Variants in GPC5 observed in about 807,000 individuals in gnomAD.
The protein encoded by GPC5 is glypican 5.
Under a neutral mutation model 53.9 loss-of-function variants are expected in GPC5, and 47 were observed. The ratio of observed to expected loss-of-function variants is 0.87; its 90% CI spans 0.69 to 1.11. The LOEUF (loss-of-function observed/expected upper bound fraction) is 1.11, where lower values mean the gene tolerates loss of function less well. Ranked by LOEUF, GPC5 falls within the 50% of genes most tolerant of loss-of-function variation. GPC5 has a pLI of 0.00. For missense variants in GPC5, 748 were observed against 713.1 expected (o/e 1.05, Z -0.56); for synonymous variants, 286 against 263.3 (o/e 1.09, Z -0.84).
intron 7 of GPC5, among the ~76,000 whole-genome samples, chr13:92,355,955 C>T (rs1420641017): frequency 3.4e-5 from 5 of 145,516 alleles, no homozygotes; most frequent in African/African-American, 1.3e-4. Flanking sequence ...CACATCGTCT[C>T]TTTATGATCA....
intron 7 of GPC5, among the ~76,000 whole-genome samples, chr13:92,712,285 G>A (rs550618083): frequency 7.9e-5 from 12 of 151,808 alleles, no homozygotes; most frequent in African/African-American, 1.9e-4. Flanking sequence ...AAAATTTGAC[G>A]ACATAGATGA....
At chr13:91,845,220 C>T (rs907700437) in intron 5 of GPC5, among the ~76,000 whole-genome samples, 1 of 151,968 alleles carries the variant, frequency 6.6e-6, no homozygotes, top group Non-Finnish European at 1.5e-5. Flanking sequence ...AAGTATAGTG[C>T]AACTTTTTAA....
rs10553721 is a variant in GPC5 at position 92,797,819 on chromosome 13, TGATAGATAGATAGATAGATA to T, written c.1562-68431_1562-68412del. ...AGATAGATAAAAGATATTCAAGGGA[TGATAGATAGATAGATAGATA>T]GATAGATAGATAGATAGATAGATAG... On this transcript the variant is annotated intron_variant, in intron 7 of 7. Transcript: ENST00000377067. 6.9e-3 allele frequency among the ~76,000 whole-genome samples: 993 copies of T among 143,602 alleles called. 8 individuals carry two copies. Among genetic ancestry groups the T allele is most frequent in the African/African-American group, 0.022 (857 of 38,826 alleles). 94.2% of individuals were successfully genotyped at this position (143,602 alleles called of 152,430 possible).
intron 6 of GPC5, among the ~76,000 whole-genome samples, chr13:92,115,460 T>G (rs2041592915): frequency 6.6e-6 from 1 of 152,104 alleles, no homozygotes; most frequent in Non-Finnish European, 1.5e-5. Flanking sequence ...GAGCTGAGGT[T>G]GGCCACTGCA....
chr13:91,636,828 C>T (rs994137674), intron 2 of GPC5, among the ~76,000 whole-genome samples: 1 of 151,968 alleles, frequency 6.6e-6, no homozygotes, highest in Non-Finnish European at 1.5e-5. Flanking sequence ...CATGGTGGTG[C>T]GTGCCTGTAG....
intron 7 of GPC5, among the ~76,000 whole-genome samples, chr13:92,505,861 A>C (rs1203515102): frequency 6.6e-6 from 1 of 152,274 alleles, no homozygotes; most frequent in Non-Finnish European, 1.5e-5. Flanking sequence ...CCAGTATCAA[A>C]AAGTTACAGC....
chr13:91,971,785 T>C (rs2040244825), intron 6 of GPC5, among the ~76,000 whole-genome samples: 1 of 152,168 alleles, frequency 6.6e-6, no homozygotes, highest in Non-Finnish European at 1.5e-5. Flanking sequence ...TTTGAGTGAG[T>C]TTCTTAATCC....
At chr13:91,511,168 CT>C (rs1474974311) in intron 2 of GPC5, among the ~76,000 whole-genome samples, 3 of 152,064 alleles carry the variant, frequency 2.0e-5, no homozygotes, top group African/African-American at 7.2e-5. Context: ...TATGATGTTT[CT>C]TTTTCCCTCT....
intron 7 of GPC5, chr13:92,509,660 A>G (rs1463053881): frequency 1.3e-5 from 2 of 152,186 alleles, no homozygotes; most frequent in African/African-American, 2.4e-5. Context: ...GTGATACGGC[A>G]TCCAAGGAAG....
chr13:92,598,646 G>A (rs1447492060), intron 7 of GPC5, among the ~76,000 whole-genome samples: 1 of 152,134 alleles, frequency 6.6e-6, no homozygotes, highest in Non-Finnish European at 1.5e-5. Flanking sequence ...AAAAATTTCA[G>A]TAGCATTTCA....
intron 5 of GPC5, among the ~76,000 whole-genome samples, chr13:91,767,699 G>A (rs2037551115): frequency 6.6e-6 from 1 of 152,178 alleles, no homozygotes; most frequent in East Asian, 1.9e-4. Context: ...TGCTGACACA[G>A]TATGAGGATA....
chr13:91,711,454 G>T (rs998244432), intron 3 of GPC5, among the ~76,000 whole-genome samples: 5 of 151,990 alleles, frequency 3.3e-5, no homozygotes, highest in South Asian at 4.2e-4. Context: ...GGGCCTGTCA[G>T]GGGGTGGGGG....
At chr13:91,437,284 G>A (rs762701489) in intron 1 of GPC5, among the ~76,000 whole-genome samples, 84 of 152,190 alleles carry the variant, frequency 5.5e-4, no homozygotes, top group Non-Finnish European at 1.1e-3. Flanking sequence ...TCCTAGCCTC[G>A]ATGGTCTTTA....
rs767384122 is a variant in GPC5, at chr13:92,866,306, G to C, written c.1586G>C (p.Ser529Thr). ...GGGATGCCAGATGATATGAACTTCAGTGATGTAAAGCAAATCCATCAAACA... is the reference window on the plus strand; with the variant it reads ...GGGATGCCAGATGATATGAACTTCACTGATGTAAAGCAAATCCATCAAACA... ...TDWMPDDMNF[S>T]DVKQIHQTDT... Residue 529 changes from serine to threonine, a missense_variant, in exon 8 of 8, where the codon AGT (serine) becomes ACT (threonine). Transcript: ENST00000377067. 6.8e-6 allele frequency: 11 copies of C among 1,611,988 alleles called. No homozygotes were observed. The highest frequency in any genetic ancestry group is 7.6e-6 in the Non-Finnish European group (9 of 1,178,696).
intron 6 of GPC5, among the ~76,000 whole-genome samples, chr13:91,920,706 A>T (rs548443539): frequency 3.3e-5 from 5 of 152,200 alleles, no homozygotes; most frequent in African/African-American, 1.2e-4. Flanking sequence ...TTGCATAAAA[A>T]AACAGGCATC....
At chr13:92,009,275 T>TGTGG (rs2040638942) in intron 6 of GPC5, among the ~76,000 whole-genome samples, 2 of 151,594 alleles carry the variant, frequency 1.3e-5, no homozygotes, top group Non-Finnish European at 2.9e-5. Context: ...TGTGTGTGTG[T>TGTGG]GTGTGTGTGT....
chr13:92,107,999 A>T (rs2041523445), intron 6 of GPC5, among the ~76,000 whole-genome samples: 1 of 152,090 alleles, frequency 6.6e-6, no homozygotes, highest in South Asian at 2.1e-4. Context: ...CTATTATATA[A>T]TCTTCCCTCC....
intron 2 of GPC5, among the ~76,000 whole-genome samples, chr13:91,483,226 A>C (rs1883401281): frequency 6.6e-6 from 1 of 152,210 alleles, no homozygotes; most frequent in African/African-American, 2.4e-5. Flanking sequence ...GTTTTCCTCA[A>C]TACCTGATCT....
At chr13:92,257,098 A>T (rs1474734638) in intron 7 of GPC5, among the ~76,000 whole-genome samples, 1 of 152,128 alleles carries the variant, frequency 6.6e-6, no homozygotes, top group Non-Finnish European at 1.5e-5. Context: ...ATAAAATAAA[A>T]CTCAAATATA....
Sources: allele counts gnomAD v4.1 joint callset (sites outside exome capture counted in the v4.1 genomes callset), GRCh38; gene constraint gnomAD v4.1.1; transcripts MANE v1.5; gene names NCBI Gene and HGNC (gene_info 2026-07-23, HGNC 2026-07-21).